Variants in NCOR1 observed in about 807,000 individuals in gnomAD.
The protein encoded by NCOR1 is nuclear receptor corepressor 1.
In NCOR1, 63 loss-of-function variants were observed where a neutral mutation model predicts 288.1. The observed-to-expected ratio is 0.22, with a 90% CI of 0.18 to 0.27. The LOEUF (loss-of-function observed/expected upper bound fraction) is 0.27, where lower values mean the gene tolerates loss of function less well. Among genes scored for constraint, NCOR1 ranks in the 10% least tolerant of loss-of-function variants. The pLI is 1.00. For synonymous variants in NCOR1, 1,007 were observed against 1,065.9 expected, an observed-to-expected ratio of 0.94 and a Z score of 1.08; for missense variants, 2,397 against 3,019.2, an observed-to-expected ratio of 0.79 and a Z score of 4.83.
At chr17:16,202,177 T>C (rs1281370610) in intron 1 of NCOR1, among the ~76,000 whole-genome samples, 11 of 150,074 alleles carry the variant, frequency 7.3e-5, no homozygotes, top group East Asian at 5.8e-4. Flanking sequence ...TGAGCAGAGA[T>C]TGCACCACTG....
At chr17:16,083,096 G>T (rs993940895) in intron 23 of NCOR1, among the ~76,000 whole-genome samples, 2 of 152,016 alleles carry the variant, frequency 1.3e-5, no homozygotes, top group African/African-American at 4.8e-5. Flanking sequence ...AGCCAGACAG[G>T]GTGGCGTGCA....
At chr17:16,179,979 A>C (rs1295361514) in intron 3 of NCOR1, among the ~76,000 whole-genome samples, 9 of 141,258 alleles carry the variant, frequency 6.4e-5, no homozygotes, top group African/African-American at 2.3e-4. Context: ...AAAAAAAAAA[A>C]CAAACCTCAA....
intron 6 of NCOR1, among the ~76,000 whole-genome samples, chr17:16,155,047 T>C (rs2079498025): frequency 6.6e-6 from 1 of 152,062 alleles, no homozygotes; most frequent in Non-Finnish European, 1.5e-5. Flanking sequence ...CTCTTGCAAA[T>C]CAACCCGTCA....
At position 16,108,531 on chromosome 17, in the gene NCOR1, G is replaced by A. The variant is rs573201615; in HGVS notation, c.2182+255C>T. ...AATGTGGCAATGACACAGACACACA[G>A]GTATTTTATTGATGTTGGCACTTGA... On this transcript the variant is annotated intron_variant, in intron 19 of 45. Coordinates refer to ENST00000268712, the MANE Select transcript of NCOR1 (RefSeq NM_006311.4). 2.0e-5 allele frequency among the ~76,000 whole-genome samples: 3 copies of A among 152,184 alleles called. No homozygotes were observed. In the South Asian group the frequency reaches 6.2e-4, roughly 32 times the overall value.
rs1473380281 is a variant in NCOR1 at position 16,117,806 on chromosome 17, A to T, written c.2055+82T>A. Reference sequence around the variant, plus strand: ...TGCTGCACTCTAGCCTGGGTGATAGAGTGAGACTCCATCTCAAACAACAAC... The same window carrying T: ...TGCTGCACTCTAGCCTGGGTGATAGTGTGAGACTCCATCTCAAACAACAAC... On this transcript the variant is annotated intron_variant, in intron 18 of 45. Transcript: ENST00000268712. 1.9e-5 allele frequency: 27 copies of T among 1,421,070 alleles called. No individual in the cohort carries two copies. In the East Asian group the frequency reaches 6.3e-4, roughly 33 times the overall value. 88.0% of individuals were successfully genotyped at this position (1,421,070 alleles called of 1,614,324 possible).
At chr17:16,034,685 G>A (rs752130815) in intron 45 of NCOR1, 80 bp downstream of exon 45, 39 of 1,258,516 alleles carry the variant, frequency 3.1e-5, no homozygotes, top group Non-Finnish European at 4.2e-5. Flanking sequence ...TAGAAGAGTT[G>A]CTGAATTTTG....
intron 21 of NCOR1, among the ~76,000 whole-genome samples, chr17:16,095,937 T>C (rs1160124991): frequency 1.3e-5 from 2 of 152,052 alleles, no homozygotes; most frequent in African/African-American, 2.4e-5. Context: ...TGTGTCTGTG[T>C]AGAAAGTAGT....
At chr17:16,160,325 C>T (rs117693964) in intron 5 of NCOR1, among the ~76,000 whole-genome samples, 1 of 152,152 alleles carries the variant, frequency 6.6e-6, no homozygotes, top group East Asian at 1.9e-4. Context: ...TTGTCCGCTG[C>T]TTTTTTTCAA....
At chr17:16,115,697 T>G (rs772675589) in intron 18 of NCOR1, among the ~76,000 whole-genome samples, 1 of 152,228 alleles carries the variant, frequency 6.6e-6, no homozygotes, top group African/African-American at 2.4e-5. Context: ...CTCATTTCCA[T>G]CTGAGATCAC....
At chr17:16,064,405 G>C (rs570996731) in intron 34 of NCOR1, among the ~76,000 whole-genome samples, 1 of 152,208 alleles carries the variant, frequency 6.6e-6, no homozygotes, top group Admixed American at 6.5e-5. Flanking sequence ...TTTACGACCA[G>C]CCTGGGCAAC....
In NCOR1 at chr17:16,142,366, A is replaced by T. The variant is rs140311603; in HGVS notation, c.1173+1240T>A. ...TTTGAAGTATACAGCATGGTAAAAA[A>T]TATCTTTGATCATTACTTAAGGCCA... On this transcript the variant is annotated intron_variant, in intron 11 of 45. Transcript: ENST00000268712. 4.1e-3 allele frequency among the ~76,000 whole-genome samples: 629 copies of T among 152,302 alleles called. 7 individuals carry two copies. Among genetic ancestry groups the T allele is most frequent in the African/African-American group, 0.015 (608 of 41,572 alleles).
rs57820388 is a variant in NCOR1, at chr17:16,059,049, C to CAAA, written c.5882-453_5882-451dup. On this transcript the variant is annotated intron_variant, in intron 37 of 45. Coordinates refer to ENST00000268712, the MANE Select transcript of NCOR1 (RefSeq NM_006311.4). ...GGGCAACAAGAGCGAAACTCCGTCT[C>CAAA]AAAAAAAAAAAAAAAAAAAAAAAAA... 3.7e-3 allele frequency among the ~76,000 whole-genome samples: 64 copies of CAAA among 17,462 alleles called. 2 individuals are homozygous for CAAA. Among genetic ancestry groups the CAAA allele is most frequent in the African/African-American group, 7.8e-3 (56 of 7,204 alleles). 11.5% of individuals were successfully genotyped at this position (17,462 alleles called of 152,430 possible).
In NCOR1 at chr17:16,065,709, G is replaced by A. The variant is rs2061037123; in HGVS notation, c.4742-15C>T. On this transcript the variant is annotated splice_polypyrimidine_tract_variant and intron_variant, in intron 32 of 45. Transcript: ENST00000268712. ...AGCAGCCGCTGCTGATTGAGAGAAT[G>A]AAAGAAAGGCACTGAGTTTTGTCCT... 1.2e-6 allele frequency: 2 copies of A among 1,612,206 alleles called. No homozygotes were observed. The highest frequency in any genetic ancestry group is 1.7e-6 in the Non-Finnish European group (2 of 1,178,294).
intron 14 of NCOR1, among the ~76,000 whole-genome samples, chr17:16,135,035 G>A (rs1002237091): frequency 2.0e-5 from 3 of 151,618 alleles, no homozygotes; most frequent in African/African-American, 4.8e-5. Context: ...GGCGGGTGCC[G>A]GTAGTCCCAG....
At chr17:16,169,911 T>A (rs947690292) in intron 4 of NCOR1, among the ~76,000 whole-genome samples, 1 of 152,176 alleles carries the variant, frequency 6.6e-6, no homozygotes, top group Non-Finnish European at 1.5e-5. Flanking sequence ...ATAAAGATGA[T>A]TCACATGATA....
In NCOR1 at chr17:16,057,896, GA is replaced by G. The variant is rs750496827; in HGVS notation, c.6168+10del. On this transcript the variant is annotated intron_variant, in intron 39 of 45. Transcript: ENST00000268712. ...AGAAAAATTAACTAATAAGAATAAT[GA>G]AAAACTTACACAGATGTGATCAGCA... The G allele has an allele frequency of 1.1e-5, 18 of 1,575,006 alleles. No individual in the cohort carries two copies. The highest frequency in any genetic ancestry group is 1.5e-5 in the Non-Finnish European group (17 of 1,164,896).
intron 1 of NCOR1, among the ~76,000 whole-genome samples, chr17:16,215,010 C>A (rs1020562514): frequency 6.6e-6 from 1 of 152,232 alleles, no homozygotes; most frequent in Non-Finnish European, 1.5e-5. Flanking sequence ...CCTGCGCCGG[C>A]CCCACCCGGG....
intron 44 of NCOR1, among the ~76,000 whole-genome samples, chr17:16,037,084 C>T (rs1299003800): frequency 6.6e-6 from 1 of 151,968 alleles, no homozygotes; most frequent in Non-Finnish European, 1.5e-5. Flanking sequence ...GTTAATTGGC[C>T]GAATTTGAAT....
rs757341838 is a variant in NCOR1 at position 16,071,663 on chromosome 17, T to C, written c.3898A>G (p.Thr1300Ala). ...AAGCTTTCAGTTGTTGCTCTTGGTG[T>C]CCCTTGAAAAAGAATTCAGGAAACA... ...TVLSGSIMQGTPRATTESFED... is the reference protein window; with the variant it reads ...TVLSGSIMQGAPRATTESFED... The change falls in exon 30 of 46, where the codon ACA becomes GCA. Residue 1300 changes from threonine to alanine, a missense_variant and splice_region_variant. Thr to Ala is a moderately conservative substitution (Grantham distance 58). Coordinates refer to ENST00000268712, the MANE Select transcript of NCOR1 (RefSeq NM_006311.4). The C allele has an allele frequency of 1.2e-6, 2 of 1,608,798 alleles. No individual in the cohort carries two copies. Among genetic ancestry groups the C allele is most frequent in the East Asian group, 4.5e-5 (2 of 44,834 alleles).
Sources: allele counts gnomAD v4.1 joint callset (sites outside exome capture counted in the v4.1 genomes callset), GRCh38; gene constraint gnomAD v4.1.1; transcripts MANE v1.5; gene names NCBI Gene and HGNC (gene_info 2026-07-23, HGNC 2026-07-21).